Variants in ZMYM1 observed in about 807,000 individuals in gnomAD.
ZMYM1 encodes zinc finger MYM-type containing 1.
Under a neutral mutation model 60.0 loss-of-function variants are expected in ZMYM1, and 39 were observed. The ratio of observed to expected loss-of-function variants is 0.65; its 90% CI spans 0.50 to 0.85. ZMYM1 has a LOEUF of 0.85. Among genes scored for constraint, ZMYM1 ranks in the 40% least tolerant of loss-of-function variants. The pLI, the probability that ZMYM1 is intolerant of heterozygous loss-of-function variation, is 0.00. For missense variants in ZMYM1, 1,171 were observed against 1,309.5 expected (o/e 0.89, Z 1.63); for synonymous variants, 413 against 454.0 (o/e 0.91, Z 1.15).
intron 2 of ZMYM1, among the ~76,000 whole-genome samples, chr1:35,094,466 A>T (rs1236870373): frequency 6.6e-6 from 1 of 152,186 alleles, no homozygotes; most frequent in African/African-American, 2.4e-5. Context: ...GTAAATTAAA[A>T]AAAATTTTTT....
downstream of ZMYM1, among the ~76,000 whole-genome samples, chr1:35,117,602 A>T (rs1286997598): frequency 6.6e-6 from 1 of 151,844 alleles, no homozygotes; most frequent in Admixed American, 6.6e-5. Flanking sequence ...GATTACAGGC[A>T]TAAGCCACCA....
At chr1:35,107,603 A>C (rs1272125123) in intron 6 of ZMYM1, among the ~76,000 whole-genome samples, 1 of 152,194 alleles carries the variant, frequency 6.6e-6, no homozygotes, top group East Asian at 1.9e-4. Flanking sequence ...GTAAGACATC[A>C]TGTGACAGTG....
At chr1:35,091,026 G>T (rs79572830) in intron 1 of ZMYM1, among the ~76,000 whole-genome samples, 1,707 of 152,106 alleles carry the variant, frequency 0.011, 33 homozygotes, top group African/African-American at 0.039. Context: ...ATAATTCCAG[G>T]TTAATCCTAG....
chr1:35,092,587 C>T (rs1001490064), intron 1 of ZMYM1, among the ~76,000 whole-genome samples: 6 of 150,526 alleles, frequency 4.0e-5, no homozygotes, highest in African/African-American at 1.5e-4. Flanking sequence ...TCTTTCTTTT[C>T]TTTCTTTCCT....
In ZMYM1 at chr1:35,113,245, A is replaced by G. The variant is rs77513946; in HGVS notation, c.1415A>G (p.Lys472Arg). ...ADFECLENSK[K>R]DVAFCYSCQL... ...TTTGAGTGTTTGGAAAACAGTAAAA[A>G]AGATGTGGCATTCTGTTATTCATGC... The change falls in exon 10 of 10, where the codon AAA becomes AGA. Residue 472 changes from lysine to arginine, a missense_variant. Physicochemically the swap from Lys to Arg is conservative, Grantham distance 26 (BLOSUM62 2). Transcript: ENST00000359858. 2.6e-3 allele frequency: 4,264 copies of G among 1,613,308 alleles called. 110 individuals carry two copies. The African/African-American group carries it at 0.05, about 19-fold the overall frequency.
chr1:35,104,631 T>C lies in ZMYM1; in HGVS notation c.669T>C (p.Ser223=), dbSNP rs780885754. ...CSNACLSKFH[S]ANNFIMNCCE... ...ATGCCTGCCTTTCAAAGTTTCACTC[T>C]GCTAACAACTTCATCATGAACTGCT... The change falls in exon 6 of 10, where the codon TCT becomes TCC. Residue 223 remains serine (S), a synonymous_variant. Transcript: ENST00000359858. 1.2e-6 allele frequency: 2 copies of C among 1,614,222 alleles called. No individual in the cohort carries two copies. The highest frequency in any genetic ancestry group is 2.7e-5 in the African/African-American group (2 of 75,076).
At chr1:35,066,267 G>A (rs1426453492) in intron 1 of ZMYM1, among the ~76,000 whole-genome samples, 1 of 152,110 alleles carries the variant, frequency 6.6e-6, no homozygotes, top group South Asian at 2.1e-4. Context: ...GCCTGATCTC[G>A]GCTCACTGCA....
chr1:35,065,158 G>A (rs1397593583), intron 1 of ZMYM1, among the ~76,000 whole-genome samples: 2 of 151,952 alleles, frequency 1.3e-5, no homozygotes, highest in Admixed American at 6.6e-5. Flanking sequence ...ACTTTTATAT[G>A]TAGGTTTTCT....
chr1:35,087,942 T>C (rs1352328704), intron 1 of ZMYM1, among the ~76,000 whole-genome samples: 2 of 151,840 alleles, frequency 1.3e-5, no homozygotes, highest in Non-Finnish European at 2.9e-5. Context: ...GTGCCTATAA[T>C]CCCAGCTACT....
chr1:35,068,134 G>A (rs150680502), intron 1 of ZMYM1, among the ~76,000 whole-genome samples: 2 of 151,488 alleles, frequency 1.3e-5, no homozygotes, highest in East Asian at 2.0e-4. Context: ...AAGAAATTGT[G>A]TTGGCCAGGT....
Position 35,113,063 on chromosome 1 carries a change from A to G in ZMYM1, c.1233A>G (p.Val411=), listed in dbSNP as rs373368513. ...EQPSVSPSSS[V]FSQHAIGSST... ...CAAGCGTTTCACCATCTTCATCAGT[A>G]TTCAGTCAGCATGCAATTGGTTCCA... is the stretch of plus-strand genomic sequence containing the variant. The change falls in exon 10 of 10, where the codon GTA becomes GTG. Residue 411 remains valine, a synonymous_variant. Coordinates refer to ENST00000359858, the MANE Select transcript of ZMYM1 (RefSeq NM_024772.5). The G allele has an allele frequency of 1.2e-5, 19 of 1,613,946 alleles. No homozygotes were observed. Among genetic ancestry groups the G allele is most frequent in the African/African-American group, 9.3e-5 (7 of 74,918 alleles).
rs770557335 is a variant in ZMYM1, at chr1:35,097,398, C to A, written c.251C>A (p.Ala84Asp). The A allele has an allele frequency of 1.2e-6, 2 of 1,614,024 alleles. No individual in the cohort carries two copies. The highest frequency in any genetic ancestry group is 2.7e-5 in the African/African-American group (2 of 74,908). The change falls in exon 4 of 10, where the codon GCT (alanine) becomes GAT (aspartate). Residue 84 changes from alanine to aspartate, a missense_variant. Physicochemically the swap from Ala to Asp is moderately radical, Grantham distance 126 (BLOSUM62 -2). Coordinates refer to ENST00000359858, the MANE Select transcript of ZMYM1 (RefSeq NM_024772.5). ...NKMLPSVSTTAIQVSCAGCKK... is the reference protein window; with the variant it reads ...NKMLPSVSTTDIQVSCAGCKK... ...ATGCTTCCTTCAGTTTCAACCACAG[C>A]TATTCAGGTTTCCTGTGCTGGTTGT...
chr1:35,113,147 C>G lies in ZMYM1; in HGVS notation c.1317C>G (p.His439Gln). Residue 439 changes from histidine to glutamine, a missense_variant, in exon 10 of 10, where the codon CAC becomes CAG. Coordinates refer to ENST00000359858, the MANE Select transcript of ZMYM1 (RefSeq NM_024772.5). ...TGAAAATAAGTGATGAACTATGTCA[C>G]CCAAAATGTACATCCAAAGTACAAA... ...KSMKISDELC[H>Q]PKCTSKVQKV... 1 of 1,613,782 alleles carries G rather than the reference C, an allele frequency of 6.2e-7. No homozygotes were observed. Among genetic ancestry groups the G allele is most frequent in the Non-Finnish European group, 8.5e-7 (1 of 1,179,890 alleles).
downstream of ZMYM1, among the ~76,000 whole-genome samples, chr1:35,116,324 G>A (rs144107338): frequency 3.9e-4 from 59 of 152,246 alleles, 1 homozygote; most frequent in East Asian, 0.011. Flanking sequence ...CTGTTTAAAC[G>A]TTAAAATCAC....
intron 6 of ZMYM1, among the ~76,000 whole-genome samples, chr1:35,108,699 ATT>A (rs771920421): frequency 0.015 from 1,588 of 106,718 alleles, 33 homozygotes; most frequent in African/African-American, 0.051. Flanking sequence ...TCCATCGGTG[ATT>A]TTTTTTTTTT....
At chr1:35,078,710 G>A (rs1253822245), upstream of ZMYM1, among the ~76,000 whole-genome samples, 1 of 151,668 alleles carries the variant, frequency 6.6e-6, no homozygotes, top group African/African-American at 2.4e-5. Flanking sequence ...CTCCATGCCC[G>A]GCTAATTTCT....
intron 6 of ZMYM1, among the ~76,000 whole-genome samples, chr1:35,106,608 CAAAAAA>C (rs752085700): frequency 5.1e-5 from 2 of 38,842 alleles, no homozygotes; most frequent in East Asian, 6.6e-4. Context: ...GACTCCGTCT[CAAAAAA>C]AAAAAAAAAA....
intron 4 of ZMYM1, among the ~76,000 whole-genome samples, chr1:35,100,239 T>C (rs543950240): frequency 6.6e-6 from 1 of 152,272 alleles, no homozygotes; most frequent in East Asian, 1.9e-4. Context: ...TGATTTAATA[T>C]CTGTTTTGAG....
chr1:35,073,250 CAAAAA>C (rs71029061), intron 1 of ZMYM1, among the ~76,000 whole-genome samples: 2 of 69,240 alleles, frequency 2.9e-5, no homozygotes, highest in Non-Finnish European at 6.1e-5. Context: ...AACACTCTGT[CAAAAA>C]AAAAAAAAAA....
Sources: allele counts gnomAD v4.1 joint callset (sites outside exome capture counted in the v4.1 genomes callset), GRCh38; gene constraint gnomAD v4.1.1; transcripts MANE v1.5; gene names NCBI Gene and HGNC (gene_info 2026-07-23, HGNC 2026-07-21).